The following SEC14L1 variants were observed in gnomAD, a reference collection of about 807,000 sequenced individuals.
SEC14L1 encodes the protein SEC14-like protein 1.
A neutral mutation model predicts 85.3 loss-of-function variants in SEC14L1; 48 were observed. The ratio of observed to expected loss-of-function variants is 0.56; its 90% CI spans 0.45 to 0.72. SEC14L1 has a LOEUF of 0.72. SEC14L1 is among the 30% of genes least tolerant of loss of function. The probability of loss-of-function intolerance (pLI) is 0.00; values close to 1 mark genes in which losing one functional copy is unlikely to be tolerated. For missense variants in SEC14L1, 682 were observed against 921.4 expected (o/e 0.74, Z 3.36); for synonymous variants, 391 against 355.5 (o/e 1.10, Z -1.12).
chr17:77,143,660 G>A lies in SEC14L1; in HGVS notation c.63+1G>A. ...ATACCCCTTTGAATTAATTATGGCT[G>A]TAAGTACTTGACATTTCAATTTACT... On this transcript the variant is annotated splice_donor_variant, in intron 3 of 16. Coordinates refer to ENST00000436233, the MANE Select transcript of SEC14L1 (RefSeq NM_001143998.2). LOFTEE classifies it high-confidence loss of function. The A allele has an allele frequency of 1.9e-6, 3 of 1,600,644 alleles. No homozygotes were observed. Among genetic ancestry groups the A allele is most frequent in the Non-Finnish European group, 2.6e-6 (3 of 1,168,150 alleles).
At position 77,205,246 on chromosome 17, in the gene SEC14L1, T is replaced by C. The variant is rs2271794; in HGVS notation, c.1099-30T>C. On this transcript the variant is annotated intron_variant, in intron 10 of 16. Coordinates refer to ENST00000436233, the MANE Select transcript of SEC14L1 (RefSeq NM_001143998.2). ...GGTAGTTTTAGCCTTAAACTAATCA[T>C]GGTAAATTTTCATGCCCTTTTGTAT... is the stretch of plus-strand genomic sequence containing the variant. 1,482 of 1,595,060 alleles carry C rather than the reference T, an allele frequency of 9.3e-4. 40 individuals are homozygous for C. The East Asian group carries it at 0.025, about 27-fold the overall frequency.
Position 77,191,375 on chromosome 17 carries a change from A to T in SEC14L1, c.345+63A>T, listed in dbSNP as rs1243118603. ...ACATATGGCTTCTGAGGATTGTTTG[A>T]TCACCATTTTAAACAGTGCATCTTT... On this transcript the variant is annotated intron_variant, in intron 5 of 16. Coordinates refer to ENST00000436233, the MANE Select transcript of SEC14L1 (RefSeq NM_001143998.2). 3.2e-6 allele frequency: 5 copies of T among 1,585,348 alleles called. No homozygotes were observed. In the East Asian group the frequency reaches 8.9e-5, roughly 28 times the overall value.
At chr17:77,106,336 A>T (rs1971914257) in intron 3 of SEC14L1, among the ~76,000 whole-genome samples, 1 of 152,202 alleles carries the variant, frequency 6.6e-6, no homozygotes, top group Admixed American at 6.5e-5. Context: ...GTTTGAGACC[A>T]GCCTGGCCAA....
intron 3 of SEC14L1, among the ~76,000 whole-genome samples, chr17:77,103,258 A>T (rs1971820005): frequency 6.6e-6 from 1 of 151,382 alleles, no homozygotes; most frequent in South Asian, 2.1e-4. Context: ...GATTACAGGC[A>T]CATGTGACCA....
intron 3 of SEC14L1, among the ~76,000 whole-genome samples, chr17:77,095,975 G>C (rs1029506202): frequency 2.6e-5 from 4 of 152,068 alleles, no homozygotes; most frequent in Non-Finnish European, 5.9e-5. Flanking sequence ...GGCCTAGGAA[G>C]GTTTTGTGTG....
chr17:77,122,827 T>A (rs998847121), intron 3 of SEC14L1, among the ~76,000 whole-genome samples: 1 of 152,118 alleles, frequency 6.6e-6, no homozygotes, highest in Non-Finnish European at 1.5e-5. Flanking sequence ...TCTTTCTGCC[T>A]CTCCTCTCTG....
chr17:77,130,826 G>C (rs1364402987), intron 3 of SEC14L1, among the ~76,000 whole-genome samples: 1 of 152,082 alleles, frequency 6.6e-6, no homozygotes, highest in Admixed American at 6.5e-5. Flanking sequence ...AGCTGGTCTT[G>C]AATTCCTGGG....
intron 2 of SEC14L1, among the ~76,000 whole-genome samples, chr17:77,091,607 A>T (rs756031430): frequency 6.6e-6 from 1 of 152,166 alleles, no homozygotes; most frequent in African/African-American, 2.4e-5. Flanking sequence ...AACTGTAAAT[A>T]GTCACATGTG....
At chr17:77,103,484 C>T (rs1971828179) in intron 3 of SEC14L1, among the ~76,000 whole-genome samples, 1 of 150,252 alleles carries the variant, frequency 6.7e-6, no homozygotes, top group African/African-American at 2.5e-5. Flanking sequence ...AACCTCACCC[C>T]AGGCTGGAGG....
At chr17:77,127,451 G>T (rs946363875) in intron 3 of SEC14L1, among the ~76,000 whole-genome samples, 10 of 152,156 alleles carry the variant, frequency 6.6e-5, no homozygotes, top group African/African-American at 2.4e-4. Context: ...TTGGGTTCAA[G>T]CAATTCTCCT....
In SEC14L1 at chr17:77,213,282, G is replaced by A. The variant is rs1386643967; in HGVS notation, c.1864-32G>A. 30 of 1,569,892 alleles carry A rather than the reference G, an allele frequency of 1.9e-5. No individual in the cohort carries two copies. Among genetic ancestry groups the A allele is most frequent in the Admixed American group, 8.8e-5 (5 of 56,696 alleles). On this transcript the variant is annotated intron_variant, in intron 15 of 16. Transcript: ENST00000436233. This position sits in a 1 kb window ranked among gnomAD's most constrained non-coding sequence, Gnocchi z 7.1. Reference sequence around the variant, plus strand: ...GTAGGCCAGGGGTCGGAAGCGAGTCGCCCTCAGCTGCCACTGCCCTACTTG... The same window carrying A: ...GTAGGCCAGGGGTCGGAAGCGAGTCACCCTCAGCTGCCACTGCCCTACTTG...
chr17:77,184,837 T>C (rs2051773162), intron 3 of SEC14L1, among the ~76,000 whole-genome samples: 1 of 152,258 alleles, frequency 6.6e-6, no homozygotes. Context: ...ATTAGAATGC[T>C]TCTGTTTTTC....
At chr17:77,136,712 T>C (rs1326829984), upstream of SEC14L1, among the ~76,000 whole-genome samples, 7 of 152,168 alleles carry the variant, frequency 4.6e-5, no homozygotes, top group African/African-American at 1.7e-4. Flanking sequence ...GGAGCAGGTT[T>C]GCTCTTCTTC....
intron 3 of SEC14L1, among the ~76,000 whole-genome samples, chr17:77,109,948 G>A (rs938891122): frequency 3.1e-4 from 47 of 151,972 alleles, no homozygotes; most frequent in African/African-American, 1.0e-3. Flanking sequence ...TTGTAGGCTC[G>A]CAAACATTTT....
At chr17:77,101,687 G>A (rs1171144765) in intron 3 of SEC14L1, among the ~76,000 whole-genome samples, 4 of 152,260 alleles carry the variant, frequency 2.6e-5, no homozygotes, top group South Asian at 4.1e-4. Flanking sequence ...CTGGAGATTC[G>A]GCAGTTCTCA....
At chr17:77,126,556 G>A (rs1257115827) in intron 3 of SEC14L1, among the ~76,000 whole-genome samples, 1 of 152,166 alleles carries the variant, frequency 6.6e-6, no homozygotes, top group Non-Finnish European at 1.5e-5. Flanking sequence ...AATCATAGCG[G>A]TTCCTTGCAT....
intron 3 of SEC14L1, among the ~76,000 whole-genome samples, chr17:77,165,746 C>T (rs1190811712): frequency 6.6e-6 from 1 of 151,956 alleles, no homozygotes; most frequent in Non-Finnish European, 1.5e-5. Context: ...CCTATTTATA[C>T]CTAGTTCCTT....
At chr17:77,161,041 C>T (rs563133495) in intron 3 of SEC14L1, among the ~76,000 whole-genome samples, 1 of 152,126 alleles carries the variant, frequency 6.6e-6, no homozygotes, top group African/African-American at 2.4e-5. Context: ...CTGTGCCCCT[C>T]CTGTTCAGTT....
chr17:77,179,698 G>A (rs890433359), intron 3 of SEC14L1, among the ~76,000 whole-genome samples: 5 of 151,512 alleles, frequency 3.3e-5, no homozygotes, highest in Admixed American at 2.0e-4. Flanking sequence ...TTTTTGAGAT[G>A]GAGTCTCACT....
Sources: gnomAD v4.1 joint callset for allele counts (sites outside exome capture counted in the v4.1 genomes callset) on GRCh38, gnomAD v4.1.1 for gene constraint, Gnocchi (gnomAD v3.1) non-coding constraint, MANE v1.5 for transcripts, NCBI Gene and HGNC (gene_info 2026-07-23, HGNC 2026-07-21) for gene names.